The following ADAM28 variants were observed in gnomAD, a reference collection of about 807,000 sequenced individuals.
ADAM28 encodes the protein disintegrin and metalloproteinase domain-containing protein 28.
In ADAM28, 105 loss-of-function variants were observed where a neutral mutation model predicts 101.2. The observed-to-expected ratio is 1.04, with a 90% confidence interval of 0.89 to 1.22. The LOEUF (loss-of-function observed/expected upper bound fraction) is 1.22, where lower values mean the gene tolerates loss of function less well. ADAM28 is among the 50% of genes most tolerant of loss of function. The probability of loss-of-function intolerance (pLI) is 0.00; values close to 1 mark genes in which losing one functional copy is unlikely to be tolerated. For missense variants in ADAM28, 1,028 were observed against 945.4 expected, an observed-to-expected ratio of 1.09 and a Z score of -1.15; for synonymous variants, 322 against 310.6, an observed-to-expected ratio of 1.04 and a Z score of -0.39.
chr8:24,297,235 A>G (rs965953079), intron 1 of ADAM28, among the ~76,000 whole-genome samples: 2 of 152,104 alleles, frequency 1.3e-5, no homozygotes, highest in Admixed American at 1.3e-4. Flanking sequence ...TCGGCCACCA[A>G]AAAGTTGGAA....
At position 24,300,410 on chromosome 8, in the gene ADAM28, G is replaced by GT. The variant is rs1360950896; in HGVS notation, c.150+339dup. Among the ~76,000 whole-genome samples, 4 of 151,992 alleles carry GT rather than the reference G, an allele frequency of 2.6e-5. No homozygotes were observed. The East Asian group carries it at 7.7e-4, about 29-fold the overall frequency. ...GTCCAAGGTTAAAAAGAGTAAATTT[G>GT]TTTTTTGTTTTTTGTTTTTTTTTCC... On this transcript the variant is annotated intron_variant, in intron 2 of 22. Coordinates refer to ENST00000265769, the MANE Select transcript of ADAM28 (RefSeq NM_014265.6).
intron 6 of ADAM28, among the ~76,000 whole-genome samples, chr8:24,318,950 C>G (rs1410555398): frequency 6.6e-6 from 1 of 151,898 alleles, no homozygotes; most frequent in African/African-American, 2.4e-5. Context: ...TGCTCAAAGC[C>G]CTCCGATGTC....
intron 2 of ADAM28, among the ~76,000 whole-genome samples, chr8:24,306,461 T>TAATTTTCCCAGCTAGTGCA (rs1469556170): frequency 6.7e-6 from 1 of 149,414 alleles, no homozygotes; most frequent in Non-Finnish European, 1.5e-5. Flanking sequence ...AGAATGAATC[T>TAATTTTCCCAGCTAGTGCA]AATTTTCCCA....
intron 1 of ADAM28, among the ~76,000 whole-genome samples, chr8:24,299,485 A>G (rs1808415045): frequency 6.6e-6 from 1 of 152,062 alleles, no homozygotes; most frequent in South Asian, 2.1e-4. Context: ...AGTATAGAAT[A>G]TTGCTGTTTT....
intron 8 of ADAM28, among the ~76,000 whole-genome samples, chr8:24,322,401 A>G (rs890235171): frequency 2.0e-5 from 3 of 152,012 alleles, no homozygotes; most frequent in Admixed American, 2.0e-4. Context: ...ATGTGGAAGC[A>G]AGGACAGTTG....
At chr8:24,298,227 C>T (rs1808230021) in intron 1 of ADAM28, among the ~76,000 whole-genome samples, 1 of 152,046 alleles carries the variant, frequency 6.6e-6, no homozygotes, top group African/African-American at 2.4e-5. Context: ...AGTGCCATGG[C>T]TTTAAGTAAT....
intron 2 of ADAM28, among the ~76,000 whole-genome samples, chr8:24,302,909 TCCCTCCC>T (rs752382768): frequency 8.3e-6 from 1 of 120,500 alleles, no homozygotes; most frequent in Non-Finnish European, 1.7e-5. Flanking sequence ...CCTAATGCTA[TCCCTCCC>T]CCCTCCCCCC....
intron 9 of ADAM28, 117 bp from the exon 10 acceptor site, chr8:24,326,437 G>T (rs972350216): frequency 1.1e-6 from 1 of 875,326 alleles, no homozygotes; most frequent in South Asian, 2.2e-5. Flanking sequence ...AGAAAAATAT[G>T]ACAGTGATGG....
intron 16 of ADAM28, among the ~76,000 whole-genome samples, chr8:24,342,204 C>A (rs1814866309): frequency 1.3e-5 from 2 of 152,112 alleles, no homozygotes; most frequent in African/African-American, 2.4e-5. Context: ...CAGGGCCAAT[C>A]AATTCACGAA....
In ADAM28 at chr8:24,349,957, A is replaced by G. The variant is rs188827015; in HGVS notation, c.2084A>G (p.Gln695Arg). 8.1e-6 allele frequency: 13 copies of G among 1,613,600 alleles called. No individual in the cohort carries two copies. The African/African-American group carries it at 1.7e-4, about 22-fold the overall frequency. ...CGGCACCAGAGCTCCAGAGAAAAGC[A>G]GAAGAAAGATCAGAGGTGATCCTTT... is the stretch of plus-strand genomic sequence containing the variant. ...VIRHQSSREKQKKDQRPLSTT... is the reference protein window; with the variant it reads ...VIRHQSSREKRKKDQRPLSTT... Residue 695 changes from glutamine (Q) to arginine (R), a missense_variant, in exon 19 of 23, where the codon CAG becomes CGG. Physicochemically the swap from Gln to Arg is conservative, Grantham distance 43. Transcript: ENST00000265769.
chr8:24,351,986 G>A lies in ADAM28; in HGVS notation c.2179-1G>A. On this transcript the variant is annotated splice_acceptor_variant, in intron 20 of 22. Coordinates refer to ENST00000265769, the MANE Select transcript of ADAM28 (RefSeq NM_014265.6). LOFTEE classifies it high-confidence loss of function. Reference sequence around the variant, plus strand: ...TTTGAAATATTCGTTCTTCTTTTCAGATGAGTCAGATGAAGCCCCATGTGT... The same window carrying A: ...TTTGAAATATTCGTTCTTCTTTTCAAATGAGTCAGATGAAGCCCCATGTGT... The A allele has an allele frequency of 6.2e-7, 1 of 1,613,392 alleles. No homozygotes were observed. Among genetic ancestry groups the A allele is most frequent in the Non-Finnish European group, 8.5e-7 (1 of 1,179,568 alleles).
In ADAM28 at chr8:24,306,361, T is replaced by A. The variant is rs867911578; in HGVS notation, c.151-3533T>A. ...TCCATCTCAAATACAAATAAATAAA[T>A]AAATATATATATATATATATATATT... On this transcript the variant is annotated intron_variant, in intron 2 of 22. Transcript: ENST00000265769. 9.4e-3 allele frequency among the ~76,000 whole-genome samples: 1,086 copies of A among 115,218 alleles called. 42 individuals carry two copies. The highest frequency in any genetic ancestry group is 0.037 in the African/African-American group (1,019 of 27,222). 75.6% of individuals were successfully genotyped at this position (115,218 alleles called of 152,430 possible).
chr8:24,326,561 G>A lies in ADAM28; in HGVS notation c.898G>A (p.Glu300Lys), dbSNP rs1482142183. Residue 300 changes from glutamate to lysine, a missense_variant, in exon 10 of 23, where the codon GAA becomes AAA. Transcript: ENST00000265769. ...HDIAQLITATELAGTTVGLAF... is the reference protein window; with the variant it reads ...HDIAQLITATKLAGTTVGLAF... ...TTTATTCCTTTCTTGCAGAGCAACA[G>A]AACTTGCTGGAACGACTGTGGGTCT... is the stretch of plus-strand genomic sequence containing the variant. 1.7e-5 allele frequency: 28 copies of A among 1,611,534 alleles called. No homozygotes were observed. Among genetic ancestry groups the A allele is most frequent in the Non-Finnish European group, 2.4e-5 (28 of 1,178,504 alleles).
At chr8:24,303,206 A>G (rs1257948956) in intron 2 of ADAM28, among the ~76,000 whole-genome samples, 1 of 151,894 alleles carries the variant, frequency 6.6e-6, no homozygotes, top group African/African-American at 2.4e-5. Flanking sequence ...TTTGTCATGA[A>G]ATTTTTGCCT....
chr8:24,298,838 A>T (rs1296574235), intron 1 of ADAM28, among the ~76,000 whole-genome samples: 1 of 152,158 alleles, frequency 6.6e-6, no homozygotes, highest in Non-Finnish European at 1.5e-5. Flanking sequence ...CACATGGGCA[A>T]ATCAAAAAGA....
At chr8:24,333,462 T>C (rs1210717345) in intron 13 of ADAM28, among the ~76,000 whole-genome samples, 2 of 152,222 alleles carry the variant, frequency 1.3e-5, no homozygotes, top group Non-Finnish European at 2.9e-5. Context: ...GTAGTAAGCA[T>C]TTCACTGTAT....
Position 24,356,201 on chromosome 8 carries a change from C to T in ADAM28, c.*1797C>T, listed in dbSNP as rs1816670908. ...CTGTGAGGTTTCAGAAGACCCTCCC[C>T]TGACCCAGAAATAAATCCCTATTTC... On this transcript the variant is annotated 3_prime_UTR_variant, in exon 23 of 23. Coordinates refer to ENST00000265769, the MANE Select transcript of ADAM28 (RefSeq NM_014265.6). 6.6e-6 allele frequency: 1 copy of T among 152,168 alleles called. No homozygotes were observed. Among genetic ancestry groups the T allele is most frequent in the African/African-American group, 2.4e-5 (1 of 41,452 alleles). The allele number at this position is 152,168 out of a possible 1,614,324, so 9.4% of individuals were successfully genotyped here.
chr8:24,350,011 C>T, intron 19 of ADAM28, 39 bp downstream of exon 19: 1 of 1,573,652 alleles, frequency 6.4e-7, no homozygotes, highest in Non-Finnish European at 8.7e-7. Flanking sequence ...GACTCTTTGA[C>T]CCCTATTTTA....
At chr8:24,316,344 CT>C (rs1811158863) in intron 6 of ADAM28, among the ~76,000 whole-genome samples, 2 of 151,864 alleles carry the variant, frequency 1.3e-5, no homozygotes, top group Middle Eastern at 3.4e-3. Context: ...AACTTTTATC[CT>C]TGGCTTAGTT....
Sources: allele counts gnomAD v4.1 joint callset (sites outside exome capture counted in the v4.1 genomes callset), GRCh38; gene constraint gnomAD v4.1.1; transcripts MANE v1.5; gene names NCBI Gene and HGNC (gene_info 2026-07-23, HGNC 2026-07-21).